KYNU: variants seen among roughly 807,000 people sequenced by gnomAD.
KYNU encodes the protein L-kynurenine hydrolase.
Under a neutral mutation model 59.2 loss-of-function variants are expected in KYNU, and 54 were observed. That is an observed-to-expected ratio of 0.91 (90% confidence interval 0.73 to 1.14). The LOEUF (loss-of-function observed/expected upper bound fraction) is 1.14. Ranked by LOEUF, KYNU falls within the 50% of genes most tolerant of loss-of-function variation. The pLI, the probability that KYNU is intolerant of heterozygous loss-of-function variation, is 0.00. For missense variants in KYNU, 567 were observed against 554.4 expected (o/e 1.02, Z -0.23); for synonymous variants, 177 against 192.0 (o/e 0.92, Z 0.65).
chr2:142,895,403 G>A (rs545189616), intron 2 of KYNU, among the ~76,000 whole-genome samples: 1 of 152,232 alleles, frequency 6.6e-6, no homozygotes, highest in South Asian at 2.1e-4. Flanking sequence ...TTTGGAGACT[G>A]GTTTCCTTTA....
intron 1 of KYNU, among the ~76,000 whole-genome samples, chr2:142,879,019 T>C (rs1203304567): frequency 6.6e-6 from 1 of 152,180 alleles, no homozygotes; most frequent in Non-Finnish European, 1.5e-5. Context: ...CATTTGAAAA[T>C]TTGTAAAATA....
intron 8 of KYNU, among the ~76,000 whole-genome samples, chr2:142,968,720 C>T (rs766963272): frequency 3.5e-4 from 54 of 152,132 alleles, no homozygotes; most frequent in Non-Finnish European, 6.5e-4. Context: ...TCGAGACCAG[C>T]CTGAGCAACA....
intron 4 of KYNU, among the ~76,000 whole-genome samples, chr2:142,933,400 T>TCA (rs1458985064): frequency 6.6e-6 from 1 of 152,072 alleles, no homozygotes; most frequent in African/African-American, 2.4e-5. Flanking sequence ...TTTTTAAGGC[T>TCA]CATGGAGTGG....
intron 3 of KYNU, among the ~76,000 whole-genome samples, chr2:142,920,865 T>C (rs577628607): frequency 2.0e-5 from 3 of 152,326 alleles, no homozygotes; most frequent in South Asian, 2.1e-4. Flanking sequence ...ATCACCTGCC[T>C]CTTTTTCCTA....
chr2:142,933,586 G>A lies in KYNU; in HGVS notation c.373+5845G>A, dbSNP rs147213288. On this transcript the variant is annotated intron_variant, in intron 4 of 13. Coordinates refer to ENST00000264170, the MANE Select transcript of KYNU (RefSeq NM_003937.3). ...GTGAGCCCTTGGGTTCACGGGGTAA[G>A]AGCTAGCCCTAGATAGGTGACTAAG... Among the ~76,000 whole-genome samples the A allele has an allele frequency of 7.7e-3, 1,180 of 152,300 alleles. 11 individuals carry two copies. The highest frequency in any genetic ancestry group is 0.02 in the Middle Eastern group (6 of 294).
chr2:143,039,267 T>G (rs1041403409), intron 12 of KYNU, among the ~76,000 whole-genome samples: 2 of 152,160 alleles, frequency 1.3e-5, no homozygotes, highest in Non-Finnish European at 2.9e-5. Context: ...TTTCTTATTG[T>G]TAAACTGGAA....
At chr2:142,951,873 A>G (rs1351128615) in intron 4 of KYNU, among the ~76,000 whole-genome samples, 3 of 152,244 alleles carry the variant, frequency 2.0e-5, no homozygotes, top group Non-Finnish European at 4.4e-5. Context: ...TTTACAAAGA[A>G]TTGGCCCAAG....
intron 10 of KYNU, among the ~76,000 whole-genome samples, chr2:143,006,208 G>A (rs913251873): frequency 3.1e-4 from 47 of 152,164 alleles, no homozygotes; most frequent in African/African-American, 6.7e-4. Context: ...CGCACCGTGC[G>A]CGAGCCGAAA....
rs1291674677 is a variant in KYNU, at chr2:143,052,436, T to A, written c.*10264T>A. On this transcript the variant is annotated 3_prime_UTR_variant, in exon 14 of 14. Coordinates refer to ENST00000264170, the MANE Select transcript of KYNU (RefSeq NM_003937.3). ...TGTCTCCAGGGCATGTCAGAGACCT[T>A]TGTGGCAGCCCCTCCCATCACAGAC... 2.6e-5 allele frequency: 4 copies of A among 152,190 alleles called. No individual in the cohort carries two copies. Among genetic ancestry groups the A allele is most frequent in the Non-Finnish European group, 1.5e-5 (1 of 68,054 alleles). The allele number at this position is 152,190 out of a possible 1,614,324, so 9.4% of individuals were successfully genotyped here.
chr2:142,952,158 G>A (rs543742168), intron 4 of KYNU, among the ~76,000 whole-genome samples: 64 of 151,846 alleles, frequency 4.2e-4, no homozygotes, highest in African/African-American at 1.4e-3. Context: ...CTCCTGACCC[G>A]CCACCTTCCC....
In KYNU at chr2:142,985,137, C is replaced by T; in HGVS notation, c.783C>T (p.Tyr261=). Residue 261 remains tyrosine, a synonymous_variant, in exon 9 of 14, where the codon TAC becomes TAT. Transcript: ENST00000264170. ...LAHAVGNVEL[Y]LHDWGVDFAC... ...ATGCAGTTGGAAATGTTGAACTCTA[C>T]TTACATGACTGGGGAGTTGATTTTG... 6.2e-7 allele frequency: 1 copy of T among 1,611,526 alleles called. No individual in the cohort carries two copies. The highest frequency in any genetic ancestry group is 8.5e-7 in the Non-Finnish European group (1 of 1,178,140).
intron 4 of KYNU, among the ~76,000 whole-genome samples, chr2:142,946,224 C>T (rs892098703): frequency 6.6e-6 from 1 of 151,936 alleles, no homozygotes; most frequent in Non-Finnish European, 1.5e-5. Context: ...CCTGGGACCA[C>T]AGGTACAAGC....
intron 10 of KYNU, among the ~76,000 whole-genome samples, chr2:143,013,296 C>CTGTGTGTGTGTGTGTGTGTGTGTG (rs960835921): frequency 8.3e-6 from 1 of 120,658 alleles, no homozygotes; most frequent in African/African-American, 3.6e-5. Flanking sequence ...CTGTCTCTTT[C>CTGTGTGTGTGTGTGTGTGTGTGTG]TCTGTGTGTG....
chr2:143,026,774 T>TA (rs1686585028), intron 10 of KYNU, among the ~76,000 whole-genome samples: 3 of 152,188 alleles, frequency 2.0e-5, no homozygotes, highest in Non-Finnish European at 4.4e-5. Flanking sequence ...GCATTAGTGT[T>TA]AATAGCTCAG....
At position 143,047,782 on chromosome 2, in the gene KYNU, A is replaced by G. The variant is rs925965416; in HGVS notation, c.*5610A>G. ...TGCTATGTTGCCCAGGCTAATCTCA[A>G]ACTCCTGGCCTCAAGCAGTCCTCCC... On this transcript the variant is annotated 3_prime_UTR_variant, in exon 14 of 14. Coordinates refer to ENST00000264170, the MANE Select transcript of KYNU (RefSeq NM_003937.3). 1 of 151,290 alleles carries G rather than the reference A, an allele frequency of 6.6e-6. No homozygotes were observed. The highest frequency in any genetic ancestry group is 2.4e-5 in the African/African-American group (1 of 40,856). The allele number at this position is 151,290 out of a possible 1,614,324, so 9.4% of individuals were successfully genotyped here. A position where few individuals can be genotyped will look rare whatever the true frequency, so the allele number is the denominator to read the frequency against.
chr2:142,991,420 C>A (rs902520094), intron 10 of KYNU, among the ~76,000 whole-genome samples: 14 of 151,860 alleles, frequency 9.2e-5, no homozygotes, highest in Non-Finnish European at 1.5e-5. Context: ...TGAGATAGAC[C>A]AGTACCAATA....
chr2:142,971,434 T>C (rs953164244), intron 8 of KYNU: 1 of 152,156 alleles, frequency 6.6e-6, no homozygotes, highest in Admixed American at 6.6e-5. Context: ...AACCTGCAAA[T>C]GAAATCCTTG....
rs988828325 is a variant in KYNU at position 143,048,306 on chromosome 2, T to G, written c.*6134T>G. On this transcript the variant is annotated 3_prime_UTR_variant, in exon 14 of 14. Transcript: ENST00000264170. ...AGCAATTACTCTGGCTATTTTAACA[T>G]GCAAATATAATGAAGTTTAGAATTA... The G allele has an allele frequency of 3.9e-5, 6 of 152,350 alleles. No individual in the cohort carries two copies. The South Asian group carries it at 1.2e-3, about 32-fold the overall frequency. 9.4% of individuals were successfully genotyped at this position (152,350 alleles called of 1,614,324 possible).
At position 142,985,979 on chromosome 2, in the gene KYNU, G is replaced by C; in HGVS notation, c.860G>C (p.Gly287Ala). The C allele has an allele frequency of 6.2e-7, 1 of 1,610,420 alleles. No individual in the cohort carries two copies. The highest frequency in any genetic ancestry group is 8.5e-7 in the Non-Finnish European group (1 of 1,177,494). Reference sequence around the variant, plus strand: ...AATGCAGGAGCAGGAGGAATTGCTGGTGCCTTCATTCATGAAAAGCATGCC... The same window carrying C: ...AATGCAGGAGCAGGAGGAATTGCTGCTGCCTTCATTCATGAAAAGCATGCC... ...YLNAGAGGIA[G>A]AFIHEKHAHT... is the part of the protein sequence containing the mutation. The change falls in exon 10 of 14, where the codon GGT becomes GCT. Residue 287 changes from glycine (G) to alanine (A), a missense_variant. Physicochemically the swap from Gly to Ala is moderately conservative, Grantham distance 60. Coordinates refer to ENST00000264170, the MANE Select transcript of KYNU (RefSeq NM_003937.3).
Sources: allele counts gnomAD v4.1 joint callset (sites outside exome capture counted in the v4.1 genomes callset), GRCh38; gene constraint gnomAD v4.1.1; transcripts MANE v1.5; gene names NCBI Gene and HGNC (gene_info 2026-07-23, HGNC 2026-07-21).